Variants in UNC13C observed in about 807,000 individuals in gnomAD.
The protein encoded by UNC13C is unc-13 homolog C, also known as protein unc-13 homolog C.
A neutral mutation model predicts 245.4 loss-of-function variants in UNC13C; 174 were observed. The ratio of observed to expected loss-of-function variants is 0.71; its 90% CI spans 0.63 to 0.80. The LOEUF (loss-of-function observed/expected upper bound fraction) is 0.80. Ranked by LOEUF, UNC13C falls within the 30% of genes least tolerant of loss-of-function variation. The probability of loss-of-function intolerance (pLI) is 0.00; values close to 1 mark genes in which losing one functional copy is unlikely to be tolerated. For synonymous variants in UNC13C, 992 were observed against 895.1 expected, an observed-to-expected ratio of 1.11 and a Z score of -1.93; for missense variants, 2,829 against 2,602.9, an observed-to-expected ratio of 1.09 and a Z score of -1.89.
intron 26 of UNC13C, among the ~76,000 whole-genome samples, chr15:54,544,170 A>C (rs1302742144): frequency 6.6e-6 from 1 of 151,936 alleles, no homozygotes; most frequent in Non-Finnish European, 1.5e-5. Flanking sequence ...AATCCATCAC[A>C]TAAACAGAAC....
intron 17 of UNC13C, among the ~76,000 whole-genome samples, chr15:54,356,222 A>G (rs1232140577): frequency 6.6e-6 from 1 of 152,228 alleles, no homozygotes. Flanking sequence ...TCATAAAAGT[A>G]TGTATCAAAT....
rs1386094049 is a variant in UNC13C, at chr15:54,193,237, A to G, written c.3072-41793A>G. 4.9e-4 allele frequency among the ~76,000 whole-genome samples: 74 copies of G among 152,160 alleles called. 1 individual carries two copies. Among genetic ancestry groups the G allele is most frequent in the Non-Finnish European group, 1.5e-5 (1 of 68,030 alleles). ...TTAAAGTTCTGTTAAGAGTCGTTAC[A>G]TATCTCCTTATGAATCATAAATTCA... On this transcript the variant is annotated intron_variant, in intron 4 of 32. Coordinates refer to ENST00000260323, the MANE Select transcript of UNC13C (RefSeq NM_001080534.3).
chr15:54,515,979 A>G (rs1315165940), intron 24 of UNC13C, among the ~76,000 whole-genome samples: 1 of 152,222 alleles, frequency 6.6e-6, no homozygotes, highest in African/African-American at 2.4e-5. Flanking sequence ...TCATTTTAAA[A>G]ATATGGATAT....
intron 2 of UNC13C, among the ~76,000 whole-genome samples, chr15:54,082,160 C>T (rs1898977312): frequency 6.6e-6 from 1 of 152,094 alleles, no homozygotes; most frequent in African/African-American, 2.4e-5. Flanking sequence ...AATGGGATTT[C>T]CTTTATAGGT....
chr15:54,127,288 A>C (rs1260710410), intron 2 of UNC13C, among the ~76,000 whole-genome samples: 1 of 152,176 alleles, frequency 6.6e-6, no homozygotes, highest in East Asian at 1.9e-4. Flanking sequence ...CATGATACCA[A>C]AGACTTGGAA....
At chr15:54,455,778 C>T (rs1415908158) in intron 19 of UNC13C, among the ~76,000 whole-genome samples, 1 of 151,986 alleles carries the variant, frequency 6.6e-6, no homozygotes, top group Non-Finnish European at 1.5e-5. Context: ...AGTTATTTGT[C>T]AAATGCATAG....
intron 14 of UNC13C, among the ~76,000 whole-genome samples, chr15:54,330,598 C>T (rs2140992870): frequency 6.6e-6 from 1 of 152,162 alleles, no homozygotes; most frequent in African/African-American, 2.4e-5. Context: ...ACGAATCACA[C>T]TCACTTTGAT....
At chr15:54,153,818 C>G (rs759180247) in intron 4 of UNC13C, among the ~76,000 whole-genome samples, 5 of 151,890 alleles carry the variant, frequency 3.3e-5, no homozygotes, top group Non-Finnish European at 7.4e-5. Context: ...GGTTGAATGA[C>G]TGGACCCAAG....
intron 2 of UNC13C, among the ~76,000 whole-genome samples, chr15:54,124,060 A>G (rs960653815): frequency 1.3e-5 from 2 of 152,184 alleles, no homozygotes; most frequent in African/African-American, 4.8e-5. Context: ...CTAGCGTCCT[A>G]TGACATGGAT....
chr15:54,524,789 C>A (rs1406899858), intron 24 of UNC13C, among the ~76,000 whole-genome samples: 2 of 152,140 alleles, frequency 1.3e-5, no homozygotes, highest in Non-Finnish European at 2.9e-5. Flanking sequence ...CTCTTCTTTT[C>A]AATAGTAGAT....
At chr15:54,033,236 T>A (rs749367095) in intron 2 of UNC13C, among the ~76,000 whole-genome samples, 13 of 152,140 alleles carry the variant, frequency 8.5e-5, no homozygotes, top group Non-Finnish European at 1.6e-4. Context: ...AAAAAAAAGA[T>A]ACAAATAAAA....
intron 19 of UNC13C, among the ~76,000 whole-genome samples, chr15:54,450,084 A>G (rs548314937): frequency 1.1e-4 from 17 of 152,336 alleles, no homozygotes; most frequent in African/African-American, 3.6e-4. Flanking sequence ...GCTGCAGAAC[A>G]GTGAATATTG....
At chr15:54,077,603 T>C (rs1260879307) in intron 2 of UNC13C, among the ~76,000 whole-genome samples, 4 of 151,966 alleles carry the variant, frequency 2.6e-5, no homozygotes, top group Non-Finnish European at 1.5e-5. Flanking sequence ...ACTCTTAGTC[T>C]CATGTGATCT....
chr15:53,922,523 G>A, the UNC13C span, among the ~76,000 whole-genome samples: 47,478 of 151,942 alleles, frequency 0.31, 7,542 homozygotes, highest in Non-Finnish European at 0.33. Context: ...TTGGTCTTTC[G>A]TACTTACCTC....
At chr15:54,250,783 G>A in intron 8 of UNC13C, among the ~76,000 whole-genome samples, 1 of 69,112 alleles carries the variant, frequency 1.4e-5, no homozygotes, top group Non-Finnish European at 2.5e-5. Flanking sequence ...TTGAGATGGA[G>A]TCTCACTCTG....
In UNC13C at chr15:54,555,709, C is replaced by G. The variant is rs1897061527; in HGVS notation, c.5958+197C>G. ...ACTATTGCACCAACCTAATACATTC[C>G]TGGAGGATGCCAGATTTACCCCTGT... On this transcript the variant is annotated intron_variant, in intron 29 of 32. Transcript: ENST00000260323. Among the ~76,000 whole-genome samples, 3 of 152,136 alleles carry G rather than the reference C, an allele frequency of 2.0e-5. No homozygotes were observed. In the South Asian group the frequency reaches 6.2e-4, roughly 32 times the overall value.
chr15:54,546,069 C>G (rs749372885), intron 26 of UNC13C, among the ~76,000 whole-genome samples: 1 of 152,078 alleles, frequency 6.6e-6, no homozygotes, highest in Non-Finnish European at 1.5e-5. Flanking sequence ...GGAACCAACC[C>G]AAATGTCCAT....
chr15:54,459,239 G>C (rs1431103155), intron 19 of UNC13C, among the ~76,000 whole-genome samples: 1 of 152,152 alleles, frequency 6.6e-6, no homozygotes, highest in Non-Finnish European at 1.5e-5. Context: ...CTGACTTGCA[G>C]TTTTTCTGCT....
intron 17 of UNC13C, among the ~76,000 whole-genome samples, chr15:54,341,880 G>T (rs923498619): frequency 4.6e-5 from 7 of 151,870 alleles, no homozygotes; most frequent in African/African-American, 1.7e-4. Context: ...GGAGGCTGAG[G>T]CAGGAGAATG....
Sources: gnomAD v4.1 joint callset for allele counts (sites outside exome capture counted in the v4.1 genomes callset) on GRCh38, gnomAD v4.1.1 for gene constraint, MANE v1.5 for transcripts, NCBI Gene and HGNC (gene_info 2026-07-23, HGNC 2026-07-21) for gene names.